GDI2: variants seen among roughly 807,000 people sequenced by gnomAD.
The protein encoded by GDI2 is rab GDP dissociation inhibitor beta.
GDI2 carries 22 observed loss-of-function variants against 54.2 expected under a neutral mutation model. The ratio of observed to expected loss-of-function variants is 0.41; its 90% CI spans 0.29 to 0.58. The LOEUF (loss-of-function observed/expected upper bound fraction) is 0.58. GDI2 is among the 20% of genes least tolerant of loss of function. GDI2 has a pLI of 0.35. For missense variants in GDI2, 422 were observed against 546.0 expected, an observed-to-expected ratio of 0.77 and a Z score of 2.26; for synonymous variants, 177 against 182.1, an observed-to-expected ratio of 0.97 and a Z score of 0.23.
intron 7 of GDI2, among the ~76,000 whole-genome samples, chr10:5,770,912 G>GCCAAGATA (rs1308439169): frequency 1.5e-5 from 2 of 130,458 alleles, no homozygotes; most frequent in African/African-American, 6.0e-5. Flanking sequence ...GTTGCAGTGA[G>GCCAAGATA]CCAAGATCAC....
intron 2 of GDI2, among the ~76,000 whole-genome samples, chr10:5,799,854 G>A (rs1431685686): frequency 1.3e-5 from 2 of 151,878 alleles, no homozygotes; most frequent in Non-Finnish European, 2.9e-5. Flanking sequence ...ACTTTCAATG[G>A]ATCAAAACCA....
In GDI2 at chr10:5,776,883, G is replaced by T; in HGVS notation, c.720-2942C>A. 1.0e-6 allele frequency: 1 copy of T among 971,106 alleles called. No homozygotes were observed. The highest frequency in any genetic ancestry group is 2.0e-5 in the South Asian group (1 of 51,084). 60.2% of individuals were successfully genotyped at this position (971,106 alleles called of 1,614,324 possible). ...ATTAAAATGGAAGGCCAGAGAAGAG[G>T]GGAGAAGAGGAAATAATGCGAAAAC... On this transcript the variant is annotated intron_variant, in intron 6 of 10. Transcript: ENST00000380191. The surrounding 1 kb of genome is among the most constrained non-coding windows in gnomAD (Gnocchi z 5.3).
intron 1 of GDI2, among the ~76,000 whole-genome samples, chr10:5,804,086 A>G (rs1261882539): frequency 8.1e-6 from 1 of 123,304 alleles, no homozygotes; most frequent in African/African-American, 2.8e-5. Context: ...AGGAGTGTGA[A>G]TCATTCTTTC....
At chr10:5,787,678 T>C (rs1840910771) in intron 4 of GDI2, among the ~76,000 whole-genome samples, 1 of 152,198 alleles carries the variant, frequency 6.6e-6, no homozygotes, top group South Asian at 2.1e-4. Flanking sequence ...AAGACACAAG[T>C]GTAGTTGTAA....
rs372650688 is a variant in GDI2, at chr10:5,785,153, T to C, written c.708A>G (p.Gln236=). Residue 236 remains glutamine, a synonymous_variant, in exon 6 of 11, where the codon CAA becomes CAG. Transcript: ENST00000380191. ...YPLYGLGELP[Q]GFARLSAIYG... ...ACACAGGCTCTTACCTTGCAAATCC[T>C]TGGGGCAGTTCTCCAAGGCCATAGA... The C allele has an allele frequency of 1.9e-6, 3 of 1,595,030 alleles. No individual in the cohort carries two copies. Among genetic ancestry groups the C allele is most frequent in the Non-Finnish European group, 2.6e-6 (3 of 1,172,544 alleles).
intron 6 of GDI2, 50 bp from the exon 7 acceptor site, chr10:5,773,991 C>T (rs1164416741): frequency 1.3e-6 from 1 of 754,682 alleles, no homozygotes. Context: ...GTTTCAACTC[C>T]TAAAGTCCCC....
chr10:5,766,172 A>C lies in GDI2; in HGVS notation c.1192-20T>G. ...AAAGATCTGAAAACAAAAATTACGA[A>C]GACTTAAGACCATGGAGGGATGTCT... On this transcript the variant is annotated intron_variant, in intron 10 of 10. Coordinates refer to ENST00000380191, the MANE Select transcript of GDI2 (RefSeq NM_001494.4). This position sits in a 1 kb window ranked among gnomAD's most constrained non-coding sequence, Gnocchi z 5.8. The C allele has an allele frequency of 1.2e-6, 2 of 1,613,254 alleles. No homozygotes were observed. Among genetic ancestry groups the C allele is most frequent in the Non-Finnish European group, 1.7e-6 (2 of 1,179,264 alleles).
chr10:5,772,404 G>C (rs1840510699), intron 7 of GDI2, among the ~76,000 whole-genome samples: 1 of 152,198 alleles, frequency 6.6e-6, no homozygotes, highest in Admixed American at 6.5e-5. Context: ...CGACAGTCAA[G>C]ATGAAACAGG....
At chr10:5,789,597 A>G (rs1379085581) in intron 4 of GDI2, among the ~76,000 whole-genome samples, 1 of 152,204 alleles carries the variant, frequency 6.6e-6, no homozygotes, top group East Asian at 1.9e-4. Context: ...GATTTGTGAC[A>G]ATTTGAAAAA....
At chr10:5,772,063 T>C (rs892098440) in intron 7 of GDI2, among the ~76,000 whole-genome samples, 2 of 151,300 alleles carry the variant, frequency 1.3e-5, no homozygotes, top group African/African-American at 4.9e-5. Context: ...CACTCCAGCC[T>C]GGTGACTGAG....
intron 6 of GDI2, among the ~76,000 whole-genome samples, chr10:5,778,529 A>C (rs1840677108): frequency 6.6e-6 from 1 of 152,234 alleles, no homozygotes. Flanking sequence ...CCTCAAGACT[A>C]TCAGGAGAAA....
At chr10:5,797,358 A>C (rs967361201) in intron 2 of GDI2, among the ~76,000 whole-genome samples, 1 of 152,118 alleles carries the variant, frequency 6.6e-6, no homozygotes, top group African/African-American at 2.4e-5. Flanking sequence ...AAGCCAGGCC[A>C]AGATGGTGAA....
At chr10:5,770,756 A>G (rs1840470443) in intron 7 of GDI2, among the ~76,000 whole-genome samples, 1 of 152,054 alleles carries the variant, frequency 6.6e-6, no homozygotes, top group Admixed American at 6.5e-5. Flanking sequence ...ACCTGAGGTC[A>G]GGAGTTTGAG....
chr10:5,804,153 G>A (rs1473945560), intron 1 of GDI2, among the ~76,000 whole-genome samples: 1 of 151,806 alleles, frequency 6.6e-6, no homozygotes, highest in Non-Finnish European at 1.5e-5. Context: ...GAGTGCAGTG[G>A]CGCGATCTTG....
chr10:5,779,070 A>T (rs570724358), intron 6 of GDI2, among the ~76,000 whole-genome samples: 1 of 152,350 alleles, frequency 6.6e-6, no homozygotes, highest in Admixed American at 6.5e-5. Context: ...GCAGTTTAAA[A>T]GCAGCTATTA....
At chr10:5,806,802 G>T (rs538741352) in intron 1 of GDI2, among the ~76,000 whole-genome samples, 1 of 152,198 alleles carries the variant, frequency 6.6e-6, no homozygotes, top group African/African-American at 2.4e-5. Flanking sequence ...TGACACAGCA[G>T]AGGAAGACAG....
At position 5,776,544 on chromosome 10, in the gene GDI2, ATGTGGAATTCCT is replaced by A. The variant is rs1840625817; in HGVS notation, c.720-2615_720-2604del. ...TATAGAGAAGCAGATTTGAAGAGGCATGTGGAATTCCTTGTGGCTGAGAATGAAAGATTAAGG... is the reference window on the plus strand; with the variant it reads ...TATAGAGAAGCAGATTTGAAGAGGCATGTGGCTGAGAATGAAAGATTAAGG... On this transcript the variant is annotated intron_variant, in intron 6 of 10. Coordinates refer to ENST00000380191, the MANE Select transcript of GDI2 (RefSeq NM_001494.4). This position sits in a 1 kb window ranked among gnomAD's most constrained non-coding sequence, Gnocchi z 5.3. The A allele has an allele frequency of 6.4e-7, 1 of 1,554,394 alleles. No homozygotes were observed.
intron 1 of GDI2, among the ~76,000 whole-genome samples, chr10:5,810,209 T>C (rs1858446): frequency 0.19 from 29,505 of 152,222 alleles, 3,234 homozygotes; most frequent in Admixed American, 0.25. Flanking sequence ...TTTTTAAACA[T>C]ATGATGCTGA....
rs1277868108 is a variant in GDI2, at chr10:5,766,806, G to A, written c.992-168C>T. Among the ~76,000 whole-genome samples the A allele has an allele frequency of 6.6e-6, 1 of 152,192 alleles. No individual in the cohort carries two copies. The highest frequency in any genetic ancestry group is 2.4e-5 in the African/African-American group (1 of 41,432). On this transcript the variant is annotated intron_variant, in intron 8 of 10. Transcript: ENST00000380191. The surrounding 1 kb of genome is among the most constrained non-coding windows in gnomAD (Gnocchi z 5.8). ...GACAGAGTTGGATGTAAAGTACACAGATATTTAACAATAGGAATTTCTTTT... is the reference window on the plus strand; with the variant it reads ...GACAGAGTTGGATGTAAAGTACACAAATATTTAACAATAGGAATTTCTTTT...
Sources: gnomAD v4.1 joint callset for allele counts (sites outside exome capture counted in the v4.1 genomes callset) on GRCh38, gnomAD v4.1.1 for gene constraint, Gnocchi (gnomAD v3.1) non-coding constraint, MANE v1.5 for transcripts, NCBI Gene and HGNC (gene_info 2026-07-23, HGNC 2026-07-21) for gene names.